CTNNA2: variants seen among roughly 807,000 people sequenced by gnomAD.
CTNNA2 encodes catenin alpha 2.
Under a neutral mutation model 101.0 loss-of-function variants are expected in CTNNA2, and 42 were observed. The ratio of observed to expected loss-of-function variants is 0.42; its 90% CI spans 0.32 to 0.54. The LOEUF (loss-of-function observed/expected upper bound fraction) is 0.54, where lower values mean the gene tolerates loss of function less well. Among genes scored for constraint, CTNNA2 ranks in the 20% least tolerant of loss-of-function variants. The pLI is 0.14. For synonymous variants in CTNNA2, 450 were observed against 456.4 expected, an observed-to-expected ratio of 0.99 and a Z score of 0.18; for missense variants, 871 against 1,223.1, an observed-to-expected ratio of 0.71 and a Z score of 4.29.
At chr2:79,656,437 A>G (rs1038327968) in intron 2 of CTNNA2, among the ~76,000 whole-genome samples, 4 of 152,066 alleles carry the variant, frequency 2.6e-5, no homozygotes, top group South Asian at 2.1e-4. Flanking sequence ...GCTATCCCAC[A>G]GTTTCTAATA....
intron 4 of CTNNA2, among the ~76,000 whole-genome samples, chr2:79,431,567 T>G (rs1428745836): frequency 6.6e-6 from 1 of 152,162 alleles, no homozygotes; most frequent in Admixed American, 6.5e-5. Context: ...ACTGACCAAA[T>G]AAGTTAGGTA....
intron 2 of CTNNA2, among the ~76,000 whole-genome samples, chr2:79,654,174 C>A (rs1419908480): frequency 6.6e-6 from 1 of 152,156 alleles, no homozygotes; most frequent in Admixed American, 6.5e-5. Flanking sequence ...TCTCAAAATT[C>A]TTCCAGCCTT....
At chr2:79,451,790 G>T (rs1433998156) in intron 4 of CTNNA2, among the ~76,000 whole-genome samples, 1 of 150,634 alleles carries the variant, frequency 6.6e-6, no homozygotes, top group African/African-American at 2.4e-5. Flanking sequence ...TCAAATACAT[G>T]TCTTAAAAAT....
chr2:80,415,576 A>G (rs371913959), intron 8 of CTNNA2, among the ~76,000 whole-genome samples: 3 of 152,288 alleles, frequency 2.0e-5, no homozygotes, highest in African/African-American at 7.2e-5. Context: ...GTTGGCAAGG[A>G]TATGGAGAAA....
chr2:79,820,094 T>C (rs960466037), intron 3 of CTNNA2, among the ~76,000 whole-genome samples: 2 of 152,266 alleles, frequency 1.3e-5, no homozygotes, highest in Middle Eastern at 6.8e-3. Flanking sequence ...TAATATGTGA[T>C]TTTAAAAAAT....
chr2:79,976,691 C>G (rs568511180), intron 7 of CTNNA2, among the ~76,000 whole-genome samples: 1 of 152,276 alleles, frequency 6.6e-6, no homozygotes. Context: ...GACAATAAAG[C>G]TTTGAGAAAT....
chr2:79,695,148 A>G (rs757586302), intron 2 of CTNNA2, among the ~76,000 whole-genome samples: 16 of 151,420 alleles, frequency 1.1e-4, no homozygotes, highest in South Asian at 2.1e-4. Flanking sequence ...GCTAAGCTCC[A>G]TTCCATTATG....
At chr2:79,708,892 T>C (rs1290367706) in intron 2 of CTNNA2, among the ~76,000 whole-genome samples, 4 of 152,232 alleles carry the variant, frequency 2.6e-5, no homozygotes, top group Non-Finnish European at 5.9e-5. Flanking sequence ...GCAGCCTTCC[T>C]GGCCAGAGAT....
intron 7 of CTNNA2, among the ~76,000 whole-genome samples, chr2:80,185,489 G>A (rs897725408): frequency 6.6e-6 from 1 of 151,956 alleles, no homozygotes. Context: ...GGGATCACTG[G>A]GAGACATTTC....
intron 2 of CTNNA2, among the ~76,000 whole-genome samples, chr2:79,230,985 A>C (rs981678154): frequency 4.6e-5 from 7 of 152,206 alleles, no homozygotes; most frequent in African/African-American, 1.7e-4. Flanking sequence ...CATGGTATCT[A>C]GGAAGTAACT....
intron 4 of CTNNA2, among the ~76,000 whole-genome samples, chr2:79,868,219 A>G (rs1434218161): frequency 6.6e-6 from 1 of 152,158 alleles, no homozygotes; most frequent in African/African-American, 2.4e-5. Flanking sequence ...TTAGGGAAAA[A>G]AAGAAGACGC....
At chr2:79,714,217 G>A (rs561591584) in intron 2 of CTNNA2, among the ~76,000 whole-genome samples, 3 of 152,120 alleles carry the variant, frequency 2.0e-5, no homozygotes, top group East Asian at 3.9e-4. Context: ...CAGTTCTAGA[G>A]ATCTGCTCCA....
chr2:79,463,193 C>G lies in CTNNA2; in HGVS notation c.-134-41861C>G, dbSNP rs141622559. Among the ~76,000 whole-genome samples, 1,060 of 152,188 alleles carry G rather than the reference C, an allele frequency of 7.0e-3. 45 individuals carry two copies. Among genetic ancestry groups the G allele is most frequent in the Admixed American group, 0.059 (908 of 15,280 alleles). Reference sequence around the variant, plus strand: ...TTGGGAGGCCGAGGCAGGAGGATCACCTGAGGTCAGGAGATTGAAACCAGC... The same window carrying G: ...TTGGGAGGCCGAGGCAGGAGGATCAGCTGAGGTCAGGAGATTGAAACCAGC... On this transcript the variant is annotated intron_variant, in intron 4 of 21. Transcript: ENST00000466387.
Position 80,635,587 on chromosome 2 carries a change from G to C in CTNNA2, c.2575-11998G>C, listed in dbSNP as rs530343006. On this transcript the variant is annotated intron_variant, in intron 18 of 18. Coordinates refer to ENST00000402739, the MANE Select transcript of CTNNA2 (RefSeq NM_001282597.3). ...AGCTCATTCGTTATGAATTATGTGAGGAGAAATTATATTAGAGGTAGAAGT... is the reference window on the plus strand; with the variant it reads ...AGCTCATTCGTTATGAATTATGTGACGAGAAATTATATTAGAGGTAGAAGT... Among the ~76,000 whole-genome samples the C allele has an allele frequency of 3.9e-5, 6 of 152,230 alleles. No homozygotes were observed. In the East Asian group the frequency reaches 1.2e-3, roughly 29 times the overall value.
At position 79,533,744 on chromosome 2, in the gene CTNNA2, C is replaced by T. The variant is rs532960331; in HGVS notation, c.-6+20537C>T. Among the ~76,000 whole-genome samples, 16 of 152,156 alleles carry T rather than the reference C, an allele frequency of 1.1e-4. No individual in the cohort carries two copies. The East Asian group carries it at 1.9e-3, about 18-fold the overall frequency. On this transcript the variant is annotated intron_variant, in intron 1 of 18. Coordinates refer to ENST00000402739, the MANE Select transcript of CTNNA2 (RefSeq NM_001282597.3). ...TCTGTTTATAGGTAAACTTGGGAAA[C>T]GACTTGCTTTTTCTTCTAAAATAGT...
At chr2:79,700,493 G>C (rs1684931993) in intron 2 of CTNNA2, among the ~76,000 whole-genome samples, 1 of 152,028 alleles carries the variant, frequency 6.6e-6, no homozygotes. Context: ...CCCAATATCA[G>C]CCATGGGGAC....
chr2:79,375,625 T>A (rs958977261), intron 4 of CTNNA2, among the ~76,000 whole-genome samples: 1 of 152,120 alleles, frequency 6.6e-6, no homozygotes, highest in Non-Finnish European at 1.5e-5. Flanking sequence ...AAATACTCTA[T>A]ACTAGGGAAA....
chr2:80,504,945 T>C (rs1489191146), intron 9 of CTNNA2, among the ~76,000 whole-genome samples: 3 of 152,166 alleles, frequency 2.0e-5, no homozygotes, highest in East Asian at 1.9e-4. Context: ...AACTTCTTTA[T>C]TGGGACGATG....
chr2:80,519,896 ATCCTC>A (rs1689396661), intron 9 of CTNNA2, among the ~76,000 whole-genome samples: 1 of 152,164 alleles, frequency 6.6e-6, no homozygotes, highest in Admixed American at 6.5e-5. Flanking sequence ...ACCAGAGACC[ATCCTC>A]TGGAACAACA....
Sources: allele counts gnomAD v4.1 joint callset (sites outside exome capture counted in the v4.1 genomes callset), GRCh38; gene constraint gnomAD v4.1.1; transcripts MANE v1.5; gene names NCBI Gene and HGNC (gene_info 2026-07-23, HGNC 2026-07-21).